The following EXT1 variants were observed in gnomAD, a reference collection of about 807,000 sequenced individuals.
The protein encoded by EXT1 is exostosin glycosyltransferase 1.
A neutral mutation model predicts 82.5 loss-of-function variants in EXT1; 20 were observed. The ratio of observed to expected loss-of-function variants is 0.24; its 90% CI spans 0.17 to 0.35. The LOEUF (loss-of-function observed/expected upper bound fraction) is 0.35, where lower values mean the gene tolerates loss of function less well. Ranked by LOEUF, EXT1 falls within the 10% of genes least tolerant of loss-of-function variation. The pLI is 1.00. For synonymous variants in EXT1, 348 were observed against 350.8 expected, an observed-to-expected ratio of 0.99 and a Z score of 0.09; for missense variants, 757 against 936.5, an observed-to-expected ratio of 0.81 and a Z score of 2.50.
intron 1 of EXT1, among the ~76,000 whole-genome samples, chr8:117,957,451 G>A (rs1814610570): frequency 6.6e-6 from 1 of 152,172 alleles, no homozygotes; most frequent in Non-Finnish European, 1.5e-5. Flanking sequence ...TGGCCTCTCG[G>A]CCCGGAATAA....
At chr8:117,888,627 A>C (rs183746040) in intron 1 of EXT1, among the ~76,000 whole-genome samples, 23 of 152,278 alleles carry the variant, frequency 1.5e-4, no homozygotes, top group Admixed American at 3.9e-4. Context: ...ATTTTAGCTA[A>C]ATGCCCTTAA....
intron 9 of EXT1, among the ~76,000 whole-genome samples, chr8:117,805,644 T>C (rs1032094394): frequency 1.3e-5 from 2 of 152,190 alleles, no homozygotes; most frequent in Admixed American, 1.3e-4. Flanking sequence ...AGACCAAGAA[T>C]CAGTCAGCCT....
At chr8:117,812,819 T>TG in intron 8 of EXT1, 53 bp downstream of exon 8, 1 of 1,471,502 alleles carries the variant, frequency 6.8e-7, no homozygotes, top group Non-Finnish European at 9.5e-7. Context: ...TCGTGCAACA[T>TG]GAGGTGACTG....
At chr8:117,842,139 G>A (rs1342251633) in intron 1 of EXT1, among the ~76,000 whole-genome samples, 5 of 152,212 alleles carry the variant, frequency 3.3e-5, no homozygotes, top group African/African-American at 1.2e-4. Context: ...TAAGAGCTTA[G>A]TAATTAAAAG....
At chr8:117,851,115 T>C (rs1812444893) in intron 1 of EXT1, among the ~76,000 whole-genome samples, 2 of 152,156 alleles carry the variant, frequency 1.3e-5, no homozygotes, top group African/African-American at 4.8e-5. Flanking sequence ...TTGTGCTTTC[T>C]GTAATAACAA....
At chr8:117,825,650 G>C (rs1454940192) in intron 4 of EXT1, among the ~76,000 whole-genome samples, 1 of 152,156 alleles carries the variant, frequency 6.6e-6, no homozygotes, top group African/African-American at 2.4e-5. Flanking sequence ...ATAGGTTAAA[G>C]TCATTCTATG....
At chr8:117,933,236 A>ATTT (rs34159778) in intron 1 of EXT1, among the ~76,000 whole-genome samples, 5 of 133,258 alleles carry the variant, frequency 3.8e-5, no homozygotes, top group Admixed American at 7.6e-5. Flanking sequence ...TCTGCTGGGT[A>ATTT]TTTTTTTTTT....
At chr8:117,934,238 C>CA (rs149229974) in intron 1 of EXT1, among the ~76,000 whole-genome samples, 6 of 148,680 alleles carry the variant, frequency 4.0e-5, no homozygotes, top group Non-Finnish European at 8.9e-5. Flanking sequence ...CAGCACTTAG[C>CA]AAAAAAAAGT....
intron 1 of EXT1, among the ~76,000 whole-genome samples, chr8:117,985,585 A>C (rs993963711): frequency 1.1e-4 from 17 of 152,142 alleles, no homozygotes; most frequent in African/African-American, 3.9e-4. Context: ...TGAGCCCAAG[A>C]GATGAAGAAC....
In EXT1 at chr8:117,978,166, C is replaced by T. The variant is rs553868964; in HGVS notation, c.962+131919G>A. Reference sequence around the variant, plus strand: ...GGTGGCATGCAATAAATGGAAATGTCATATACCCTGCTTCCTGGGTAAGGT... The same window carrying T: ...GGTGGCATGCAATAAATGGAAATGTTATATACCCTGCTTCCTGGGTAAGGT... On this transcript the variant is annotated intron_variant, in intron 1 of 10. Transcript: ENST00000378204. 5.9e-5 allele frequency among the ~76,000 whole-genome samples: 9 copies of T among 152,298 alleles called. No individual in the cohort carries two copies. In the South Asian group the frequency reaches 1.9e-3, roughly 32 times the overall value.
At chr8:117,810,814 G>GAACC (rs2129713579) in intron 8 of EXT1, among the ~76,000 whole-genome samples, 1 of 152,274 alleles carries the variant, frequency 6.6e-6, no homozygotes, top group South Asian at 2.1e-4. Context: ...ACCTGGTTGG[G>GAACC]TTAGGTCAAT....
intron 1 of EXT1, among the ~76,000 whole-genome samples, chr8:117,989,613 G>T (rs190120914): frequency 6.6e-6 from 1 of 152,100 alleles, no homozygotes; most frequent in East Asian, 1.9e-4. Flanking sequence ...CTTTGCAAAC[G>T]GCCAAGTCAT....
At chr8:117,903,933 G>A (rs28376539) in intron 1 of EXT1, among the ~76,000 whole-genome samples, 7,610 of 152,290 alleles carry the variant, frequency 0.05, 637 homozygotes, top group African/African-American at 0.17. Flanking sequence ...CTTCATTTGT[G>A]CCAATTCTCA....
intron 2 of EXT1, among the ~76,000 whole-genome samples, chr8:117,836,191 G>A (rs1357730484): frequency 6.6e-6 from 1 of 152,186 alleles, no homozygotes; most frequent in Non-Finnish European, 1.5e-5. Context: ...ACAAAATACT[G>A]ATTCCAAATA....
intron 1 of EXT1, among the ~76,000 whole-genome samples, chr8:117,985,187 A>T (rs1445556509): frequency 6.6e-6 from 1 of 152,218 alleles, no homozygotes; most frequent in African/African-American, 2.4e-5. Flanking sequence ...ACCAAATCTG[A>T]GGGATCTCTG....
At chr8:117,809,209 G>GTATAAATAAATATATATATATA (rs1471755255) in intron 8 of EXT1, among the ~76,000 whole-genome samples, 2 of 86,026 alleles carry the variant, frequency 2.3e-5, no homozygotes, top group African/African-American at 8.2e-5. Flanking sequence ...ATATGTGTGT[G>GTATAAATAAATATATATATATA]TGTGTATAAA....
chr8:117,828,281 A>G (rs895810064), intron 4 of EXT1, among the ~76,000 whole-genome samples: 1 of 152,174 alleles, frequency 6.6e-6, no homozygotes, highest in South Asian at 2.1e-4. Flanking sequence ...TACTTCTTTA[A>G]TAATAACTCC....
chr8:118,109,505 A>C (rs901324024), intron 1 of EXT1, among the ~76,000 whole-genome samples: 5 of 152,136 alleles, frequency 3.3e-5, no homozygotes, highest in African/African-American at 1.2e-4. Context: ...CTCCCTTCAT[A>C]AAAGTCAATG....
chr8:118,056,077 A>G (rs1173705473), intron 1 of EXT1, among the ~76,000 whole-genome samples: 1 of 59,702 alleles, frequency 1.7e-5, no homozygotes, highest in Admixed American at 2.3e-4. Flanking sequence ...TGAGCTAGGA[A>G]AAAAAAAATC....
Sources: allele counts gnomAD v4.1 joint callset (sites outside exome capture counted in the v4.1 genomes callset), GRCh38; gene constraint gnomAD v4.1.1; transcripts MANE v1.5; gene names NCBI Gene and HGNC (gene_info 2026-07-23, HGNC 2026-07-21).